PRKD1: variants seen among roughly 807,000 people sequenced by gnomAD.
PRKD1 encodes the protein protein kinase D1.
A neutral mutation model predicts 95.9 loss-of-function variants in PRKD1; 63 were observed. The observed-to-expected ratio is 0.66, with a 90% CI of 0.54 to 0.81. The LOEUF (loss-of-function observed/expected upper bound fraction) is 0.81, where lower values mean the gene tolerates loss of function less well. Among genes scored for constraint, PRKD1 ranks in the 30% least tolerant of loss-of-function variants. The probability of loss-of-function intolerance (pLI) is 0.00; values close to 1 mark genes in which losing one functional copy is unlikely to be tolerated. For missense variants in PRKD1, 1,048 were observed against 1,165.3 expected (o/e 0.90, Z 1.47); for synonymous variants, 425 against 423.1 (o/e 1.00, Z -0.05).
chr14:29,876,786 T>C (rs1893310540), intron 1 of PRKD1, among the ~76,000 whole-genome samples: 1 of 151,490 alleles, frequency 6.6e-6, no homozygotes, highest in East Asian at 1.9e-4. Flanking sequence ...TATTTCTCCA[T>C]AGAAAATACA....
At chr14:29,583,250 G>A (rs543763794) in intron 16 of PRKD1, among the ~76,000 whole-genome samples, 11 of 152,224 alleles carry the variant, frequency 7.2e-5, no homozygotes, top group African/African-American at 4.8e-5. Context: ...AACATAGTGC[G>A]GTCTTTCAGT....
At chr14:29,689,214 A>G (rs1594430268) in intron 2 of PRKD1, among the ~76,000 whole-genome samples, 1 of 152,016 alleles carries the variant, frequency 6.6e-6, no homozygotes, top group African/African-American at 2.4e-5. Flanking sequence ...CAATCTACCA[A>G]TCTGACAAAG....
At chr14:29,831,506 T>A (rs560250395) in intron 1 of PRKD1, among the ~76,000 whole-genome samples, 10 of 151,246 alleles carry the variant, frequency 6.6e-5, no homozygotes, top group African/African-American at 2.4e-4. Flanking sequence ...TCTTGTTCTG[T>A]CATCCAGGCT....
intron 4 of PRKD1, 65 bp from the exon 5 acceptor site, chr14:29,638,969 A>G: frequency 8.1e-7 from 1 of 1,230,412 alleles, no homozygotes; most frequent in Non-Finnish European, 1.2e-6. Context: ...ATATTTATAT[A>G]TTTTAAGATA....
intron 1 of PRKD1, among the ~76,000 whole-genome samples, chr14:29,810,961 CCA>C (rs1164914062): frequency 6.6e-6 from 1 of 152,186 alleles, no homozygotes; most frequent in Non-Finnish European, 1.5e-5. Flanking sequence ...GCTCTAGTCT[CCA>C]CACAGTCTCA....
Position 29,754,093 on chromosome 14 carries a change from T to C in PRKD1, c.265-28419A>G, listed in dbSNP as rs180893703. On this transcript the variant is annotated intron_variant, in intron 1 of 17. Transcript: ENST00000331968. ...AAAACTCTTTGCCAACATTGGCTAT[T>C]ACCCAACTTTTCCAACTTTTTGCAG... 4.6e-5 allele frequency among the ~76,000 whole-genome samples: 7 copies of C among 152,316 alleles called. No individual in the cohort carries two copies. In the East Asian group the frequency reaches 1.3e-3, roughly 29 times the overall value.
chr14:29,832,455 T>C (rs1333118434), intron 1 of PRKD1, among the ~76,000 whole-genome samples: 1 of 152,200 alleles, frequency 6.6e-6, no homozygotes. Context: ...GTATGTTGTT[T>C]TCCTTCAGAC....
chr14:29,697,313 T>C (rs1169973468), intron 2 of PRKD1, among the ~76,000 whole-genome samples: 1 of 152,182 alleles, frequency 6.6e-6, no homozygotes, highest in Non-Finnish European at 1.5e-5. Context: ...ATTCTTCTTA[T>C]ACCATGTTCC....
intron 1 of PRKD1, among the ~76,000 whole-genome samples, chr14:29,923,976 T>C (rs919083540): frequency 6.6e-6 from 1 of 152,102 alleles, no homozygotes; most frequent in Non-Finnish European, 1.5e-5. Context: ...CAGTAGAAAG[T>C]AACAGTGTTT....
intron 1 of PRKD1, among the ~76,000 whole-genome samples, chr14:29,866,807 T>A (rs1414156225): frequency 6.6e-6 from 1 of 152,178 alleles, no homozygotes; most frequent in Non-Finnish European, 1.5e-5. Context: ...GAGAATCAAG[T>A]TAGAATGATA....
intron 1 of PRKD1, among the ~76,000 whole-genome samples, chr14:29,822,536 C>G (rs1184048381): frequency 6.6e-6 from 1 of 152,156 alleles, no homozygotes; most frequent in Non-Finnish European, 1.5e-5. Flanking sequence ...TTATTTTGAA[C>G]CTCCTGTAAG....
intron 1 of PRKD1, among the ~76,000 whole-genome samples, chr14:29,903,068 C>T (rs182713913): frequency 2.4e-4 from 37 of 152,256 alleles, no homozygotes; most frequent in African/African-American, 8.2e-4. Context: ...GATGGAAAAA[C>T]GTTAATAACA....
intron 1 of PRKD1, among the ~76,000 whole-genome samples, chr14:29,763,741 G>A (rs1888132073): frequency 6.6e-6 from 1 of 152,108 alleles, no homozygotes; most frequent in African/African-American, 2.4e-5. Context: ...AGGGGGAACT[G>A]AGCACTTAAA....
intron 1 of PRKD1, among the ~76,000 whole-genome samples, chr14:29,797,976 T>A (rs918600123): frequency 2.6e-5 from 4 of 152,200 alleles, no homozygotes; most frequent in South Asian, 4.1e-4. Context: ...ACAACTGTAA[T>A]TACAGAACTC....
At chr14:29,634,562 T>C (rs1013051774) in intron 7 of PRKD1, 21 bp from the exon 8 acceptor site, 6 of 1,613,320 alleles carry the variant, frequency 3.7e-6, no homozygotes, top group Non-Finnish European at 5.1e-6. Context: ...CAAAATATTG[T>C]AGGGAAAAAA....
intron 1 of PRKD1, among the ~76,000 whole-genome samples, chr14:29,906,400 A>T (rs45507996): frequency 0.11 from 17,172 of 151,974 alleles, 1,176 homozygotes; most frequent in Middle Eastern, 0.17. Flanking sequence ...TTAACTGGGC[A>T]TGGTGGTATG....
intron 13 of PRKD1, among the ~76,000 whole-genome samples, chr14:29,604,572 T>A (rs1893637583): frequency 6.6e-6 from 1 of 152,316 alleles, no homozygotes; most frequent in South Asian, 2.1e-4. Context: ...GGTACAGTAC[T>A]GCAGCAGTGG....
chr14:29,714,714 C>T (rs958905279), intron 2 of PRKD1, among the ~76,000 whole-genome samples: 2 of 152,046 alleles, frequency 1.3e-5, no homozygotes, highest in African/African-American at 4.8e-5. Context: ...AACCCAAATG[C>T]CCATCAATGA....
intron 1 of PRKD1, among the ~76,000 whole-genome samples, chr14:29,908,565 G>T (rs7155032): frequency 6.6e-6 from 1 of 152,120 alleles, no homozygotes; most frequent in African/African-American, 2.4e-5. Flanking sequence ...GATTACAGGC[G>T]TGAGCCACCA....
Sources: allele counts gnomAD v4.1 joint callset (sites outside exome capture counted in the v4.1 genomes callset), GRCh38; gene constraint gnomAD v4.1.1; transcripts MANE v1.5; gene names NCBI Gene and HGNC (gene_info 2026-07-23, HGNC 2026-07-21).